Variants in KCNMA1 observed in about 807,000 individuals in gnomAD.
KCNMA1 encodes potassium calcium-activated channel subfamily M alpha 1.
In KCNMA1, 29 loss-of-function variants were observed where a neutral mutation model predicts 140.0. The observed-to-expected ratio is 0.21, with a 90% CI of 0.15 to 0.28. The LOEUF is 0.28. Among genes scored for constraint, KCNMA1 ranks in the 10% least tolerant of loss-of-function variants. The pLI, the probability that KCNMA1 is intolerant of heterozygous loss-of-function variation, is 1.00. For missense variants in KCNMA1, 880 were observed against 1,602.2 expected (o/e 0.55, Z 7.70); for synonymous variants, 612 against 611.9 (o/e 1.00, Z 0.00).
chr10:77,123,367 T>G (rs2097667016), intron 5 of KCNMA1, among the ~76,000 whole-genome samples: 3 of 152,080 alleles, frequency 2.0e-5, no homozygotes, highest in Admixed American at 2.0e-4. Flanking sequence ...GTTTGCTCAG[T>G]GTGTGCATAA....
At chr10:77,500,178 C>A (rs567086611) in intron 1 of KCNMA1, among the ~76,000 whole-genome samples, 6 of 150,794 alleles carry the variant, frequency 4.0e-5, no homozygotes, top group African/African-American at 1.5e-4. Context: ...TTTTAAAAAA[C>A]AGAAAGGCCA....
chr10:77,417,829 C>T (rs1314146547), intron 1 of KCNMA1, among the ~76,000 whole-genome samples: 1 of 152,138 alleles, frequency 6.6e-6, no homozygotes, highest in Admixed American at 6.5e-5. Flanking sequence ...TAAGATGATC[C>T]CCATTCAGGA....
At chr10:77,353,440 A>G (rs1167968735) in intron 2 of KCNMA1, among the ~76,000 whole-genome samples, 7 of 152,126 alleles carry the variant, frequency 4.6e-5, no homozygotes, top group Non-Finnish European at 8.8e-5. Flanking sequence ...ATTATTAATA[A>G]TAGCTAAGAT....
intron 1 of KCNMA1, among the ~76,000 whole-genome samples, chr10:77,483,217 C>T (rs548646511): frequency 1.3e-5 from 2 of 152,278 alleles, no homozygotes; most frequent in East Asian, 1.9e-4. Context: ...TAATTGGCAG[C>T]GCCACTAACA....
chr10:77,000,854 G>GAAAAAAAAAAAAAAAAA (rs147198441), intron 19 of KCNMA1, among the ~76,000 whole-genome samples: 2 of 10,518 alleles, frequency 1.9e-4, no homozygotes, highest in Non-Finnish European at 2.0e-4. Context: ...ATAGTAAAAA[G>GAAAAAAAAAAAAAAAAA]AAAATATATA....
intron 19 of KCNMA1, among the ~76,000 whole-genome samples, chr10:76,994,463 T>G (rs1427477120): frequency 3.3e-5 from 5 of 152,206 alleles, no homozygotes; most frequent in African/African-American, 1.2e-4. Flanking sequence ...GAATCCAAGT[T>G]AACCAACTAG....
At chr10:76,910,999 T>C (rs1244131594) in intron 24 of KCNMA1, 1 of 152,034 alleles carries the variant, frequency 6.6e-6, no homozygotes, top group Non-Finnish European at 1.5e-5. Context: ...TTATCAGTTT[T>C]GCAGAGCAAG....
intron 3 of KCNMA1, among the ~76,000 whole-genome samples, chr10:77,194,573 A>G (rs1355768298): frequency 6.6e-6 from 1 of 152,208 alleles, no homozygotes; most frequent in Non-Finnish European, 1.5e-5. Context: ...ATCGACAGCT[A>G]GAACCAGCCT....
chr10:77,159,302 G>A (rs1024627533), intron 5 of KCNMA1, among the ~76,000 whole-genome samples: 1 of 152,028 alleles, frequency 6.6e-6, no homozygotes, highest in East Asian at 1.9e-4. Context: ...AACATCATCC[G>A]CTCCTTTCTT....
chr10:77,617,183 G>A (rs1221465445), intron 1 of KCNMA1, among the ~76,000 whole-genome samples: 1 of 152,196 alleles, frequency 6.6e-6, no homozygotes, highest in Non-Finnish European at 1.5e-5. Context: ...GGTAGAAGGG[G>A]CTACAGTGAA....
chr10:77,044,547 G>T (rs2094928351), intron 14 of KCNMA1, among the ~76,000 whole-genome samples: 2 of 152,164 alleles, frequency 1.3e-5, no homozygotes, highest in African/African-American at 2.4e-5. Flanking sequence ...TACTCAGGAG[G>T]CTGAGGCAGG....
At position 76,885,238 on chromosome 10, in the gene KCNMA1, GTT is replaced by G; in HGVS notation, c.*2026_*2027del. ...ATAGTTATATATATATAATTATATAGTTATATATATATAATTATATATAGTTT... is the reference window on the plus strand; with the variant it reads ...ATAGTTATATATATATAATTATATAGATATATATATAATTATATATAGTTT... On this transcript the variant is annotated 3_prime_UTR_variant, in exon 28 of 28. Transcript: ENST00000286628. The G allele has an allele frequency of 2.2e-6, 1 of 447,228 alleles. No homozygotes were observed. The highest frequency in any genetic ancestry group is 1.4e-4 in the East Asian group (1 of 7,322). The allele number at this position is 447,228 out of a possible 1,614,324, so 27.7% of individuals were successfully genotyped here.
chr10:77,414,613 C>T (rs984108079), intron 1 of KCNMA1, among the ~76,000 whole-genome samples: 2 of 152,160 alleles, frequency 1.3e-5, no homozygotes, highest in Non-Finnish European at 2.9e-5. Flanking sequence ...TCCTCAGCCT[C>T]CCAGGTAGCT....
chr10:77,075,274 C>T (rs914246084), intron 13 of KCNMA1, among the ~76,000 whole-genome samples: 1 of 152,192 alleles, frequency 6.6e-6, no homozygotes, highest in Non-Finnish European at 1.5e-5. Flanking sequence ...CTTCAGATGG[C>T]CACTTTCCCT....
At chr10:76,939,110 C>CTTTTTTTT (rs71028244) in intron 23 of KCNMA1, 1 of 66,700 alleles carries the variant, frequency 1.5e-5, no homozygotes, top group Non-Finnish European at 2.7e-5. Flanking sequence ...GCCACCTCTT[C>CTTTTTTTT]TTTTTTTTTT....
At chr10:77,303,268 G>C (rs544939550) in intron 2 of KCNMA1, among the ~76,000 whole-genome samples, 1 of 152,056 alleles carries the variant, frequency 6.6e-6, no homozygotes, top group South Asian at 2.1e-4. Context: ...TACATGTCTT[G>C]TATAGTCCTT....
chr10:76,988,438 G>A (rs1163244703), intron 19 of KCNMA1, among the ~76,000 whole-genome samples: 3 of 152,074 alleles, frequency 2.0e-5, no homozygotes, highest in Non-Finnish European at 4.4e-5. Flanking sequence ...TGAGGTGAGA[G>A]GATTGCTTGA....
chr10:77,452,731 T>A (rs527996993), intron 1 of KCNMA1, among the ~76,000 whole-genome samples: 16 of 152,308 alleles, frequency 1.1e-4, no homozygotes, highest in Admixed American at 9.8e-4. Context: ...TTTCTGGGAA[T>A]CAGTACTTAG....
chr10:77,025,222 A>C (rs1373051597), intron 16 of KCNMA1, among the ~76,000 whole-genome samples: 1 of 119,622 alleles, frequency 8.4e-6, no homozygotes, highest in East Asian at 2.6e-4. Flanking sequence ...TATGTACTCT[A>C]GTTGGAGAGG....
Sources: allele counts gnomAD v4.1 joint callset (sites outside exome capture counted in the v4.1 genomes callset), GRCh38; gene constraint gnomAD v4.1.1; transcripts MANE v1.5; gene names NCBI Gene and HGNC (gene_info 2026-07-23, HGNC 2026-07-21).